NBAS: variants seen among roughly 807,000 people sequenced by gnomAD.
NBAS encodes NAG/BC035112 fusion.
Under a neutral mutation model 302.5 loss-of-function variants are expected in NBAS, and 219 were observed. That is an observed-to-expected ratio of 0.72 (90% confidence interval 0.65 to 0.81). The LOEUF (loss-of-function observed/expected upper bound fraction) is 0.81. Ranked by LOEUF, NBAS falls within the 30% of genes least tolerant of loss-of-function variation. NBAS has a pLI of 0.00. For missense variants in NBAS, 2,932 were observed against 2,841.6 expected, an observed-to-expected ratio of 1.03 and a Z score of -0.72; for synonymous variants, 1,118 against 1,021.6, an observed-to-expected ratio of 1.09 and a Z score of -1.80.
At chr2:15,427,260 A>C (rs192211069) in intron 22 of NBAS, among the ~76,000 whole-genome samples, 1 of 152,030 alleles carries the variant, frequency 6.6e-6, no homozygotes, top group Non-Finnish European at 1.5e-5. Flanking sequence ...AAGGCATTCC[A>C]ATATTCCTCA....
At chr2:15,355,622 G>A (rs1673576731) in intron 33 of NBAS, among the ~76,000 whole-genome samples, 1 of 152,132 alleles carries the variant, frequency 6.6e-6, no homozygotes, top group African/African-American at 2.4e-5. Context: ...AATTTCTCAT[G>A]GTTTAACATC....
chr2:15,428,580 A>G (rs937094140), intron 21 of NBAS, among the ~76,000 whole-genome samples: 28 of 152,144 alleles, frequency 1.8e-4, no homozygotes, highest in Non-Finnish European at 3.5e-4. Context: ...AAATTTAAAA[A>G]TTATCCAGGT....
the NBAS span, among the ~76,000 whole-genome samples, chr2:14,803,145 C>T: frequency 6.6e-6 from 1 of 152,180 alleles, no homozygotes; most frequent in Non-Finnish European, 1.5e-5. Context: ...GAGTAAATTA[C>T]TCTCAGGCAA....
chr2:14,824,919 G>A, the NBAS span, among the ~76,000 whole-genome samples: 1 of 152,118 alleles, frequency 6.6e-6, no homozygotes, highest in African/African-American at 2.4e-5. Flanking sequence ...TGGTTCAGGA[G>A]CTGCAAGCAA....
At chr2:15,225,598 A>C (rs947123161) in intron 47 of NBAS, among the ~76,000 whole-genome samples, 1 of 152,236 alleles carries the variant, frequency 6.6e-6, no homozygotes, top group Non-Finnish European at 1.5e-5. Flanking sequence ...GAATTATGTG[A>C]CATTGTTCAA....
At chr2:15,218,731 T>C in intron 48 of NBAS, 42 bp downstream of exon 48, 2 of 1,613,726 alleles carry the variant, frequency 1.2e-6, no homozygotes. Context: ...TCCGGCCTAA[T>C]TATTGTTAGT....
chr2:14,941,270 A>G, the NBAS span, among the ~76,000 whole-genome samples: 1 of 152,226 alleles, frequency 6.6e-6, no homozygotes, highest in South Asian at 2.1e-4. Flanking sequence ...CTATGTTTAT[A>G]TGACTATCTC....
At chr2:14,866,347 T>G in the NBAS span, among the ~76,000 whole-genome samples, 11 of 152,164 alleles carry the variant, frequency 7.2e-5, no homozygotes, top group Non-Finnish European at 1.5e-4. Context: ...CTAGTAATAT[T>G]TTTTTCTCTC....
the NBAS span, among the ~76,000 whole-genome samples, chr2:14,798,855 T>C: frequency 6.6e-6 from 1 of 152,000 alleles, no homozygotes; most frequent in African/African-American, 2.4e-5. Context: ...TTTATTGGCA[T>C]AAAGTTATTC....
the NBAS span, among the ~76,000 whole-genome samples, chr2:14,814,613 T>C: frequency 6.6e-6 from 1 of 152,236 alleles, no homozygotes; most frequent in East Asian, 1.9e-4. Flanking sequence ...TGGAGGTAAC[T>C]AACTTGTTTT....
the NBAS span, among the ~76,000 whole-genome samples, chr2:15,124,730 C>A: frequency 4.6e-5 from 7 of 152,304 alleles, no homozygotes; most frequent in Admixed American, 1.3e-4. Flanking sequence ...GCTTGGACTG[C>A]GACTCTGGAG....
chr2:14,995,739 G>A, the NBAS span, among the ~76,000 whole-genome samples: 4 of 151,990 alleles, frequency 2.6e-5, no homozygotes, highest in Non-Finnish European at 5.9e-5. Flanking sequence ...CTTTTTTGAT[G>A]CAGAGTCTTG....
intron 45 of NBAS, among the ~76,000 whole-genome samples, chr2:15,235,370 C>T (rs189341007): frequency 9.5e-4 from 145 of 152,298 alleles, no homozygotes; most frequent in Non-Finnish European, 1.7e-3. Flanking sequence ...GGCCACACTG[C>T]CTGCCTCTCT....
At chr2:15,059,697 G>T in the NBAS span, among the ~76,000 whole-genome samples, 1 of 152,158 alleles carries the variant, frequency 6.6e-6, no homozygotes, top group Non-Finnish European at 1.5e-5. Flanking sequence ...TTGGAGAGAG[G>T]TCTAGATTCT....
the NBAS span, among the ~76,000 whole-genome samples, chr2:14,903,584 G>A: frequency 2.6e-5 from 4 of 152,100 alleles, no homozygotes. Flanking sequence ...AGGGGGTGGA[G>A]GAGAATCTTA....
At chr2:14,808,073 T>A in the NBAS span, among the ~76,000 whole-genome samples, 1 of 152,242 alleles carries the variant, frequency 6.6e-6, no homozygotes, top group Non-Finnish European at 1.5e-5. Flanking sequence ...AGCTATTATA[T>A]GCATTTCAAA....
chr2:14,844,241 T>C, the NBAS span, among the ~76,000 whole-genome samples: 1 of 152,030 alleles, frequency 6.6e-6, no homozygotes, highest in Admixed American at 6.5e-5. Flanking sequence ...CCAGTCAGAG[T>C]CATCGTGAGG....
At chr2:15,363,909 G>T (rs1674062921) in intron 32 of NBAS, among the ~76,000 whole-genome samples, 1 of 152,180 alleles carries the variant, frequency 6.6e-6, no homozygotes, top group African/African-American at 2.4e-5. Context: ...TATCATAAAA[G>T]GCATTACAGC....
At chr2:15,335,843 C>G (rs558502778) in intron 35 of NBAS, among the ~76,000 whole-genome samples, 10 of 152,152 alleles carry the variant, frequency 6.6e-5, no homozygotes, top group Non-Finnish European at 1.2e-4. Flanking sequence ...TAGTCCAATT[C>G]GTCAGTTTTT....
Sources: gnomAD v4.1 joint callset for allele counts (sites outside exome capture counted in the v4.1 genomes callset) on GRCh38, gnomAD v4.1.1 for gene constraint, MANE v1.5 for transcripts, NCBI Gene and HGNC (gene_info 2026-07-23, HGNC 2026-07-21) for gene names.